The following PTPRM variants were observed in gnomAD, a reference collection of about 807,000 sequenced individuals.
The protein encoded by PTPRM is receptor-type tyrosine-protein phosphatase mu.
PTPRM carries 47 observed loss-of-function variants against 186.7 expected under a neutral mutation model. The observed-to-expected ratio is 0.25, with a 90% CI of 0.20 to 0.32. PTPRM has a LOEUF of 0.32. Ranked by LOEUF, PTPRM falls within the 10% of genes least tolerant of loss-of-function variation. The probability of loss-of-function intolerance (pLI) is 1.00; values close to 1 mark genes in which losing one functional copy is unlikely to be tolerated. For missense variants in PTPRM, 1,494 were observed against 1,865.0 expected (o/e 0.80, Z 3.66); for synonymous variants, 668 against 674.9 (o/e 0.99, Z 0.16).
chr18:8,292,506 C>G (rs1200186154), intron 19 of PTPRM, among the ~76,000 whole-genome samples: 1 of 152,178 alleles, frequency 6.6e-6, no homozygotes, highest in Non-Finnish European at 1.5e-5. Flanking sequence ...ACGGAAAATG[C>G]AAGACACCAT....
intron 2 of PTPRM, among the ~76,000 whole-genome samples, chr18:7,869,334 C>A (rs76296425): frequency 2.6e-5 from 4 of 152,092 alleles, no homozygotes; most frequent in Non-Finnish European, 4.4e-5. Flanking sequence ...GCACAGGCAC[C>A]GGGGGGAATC....
chr18:7,748,402 C>T (rs556381584), intron 1 of PTPRM, among the ~76,000 whole-genome samples: 1 of 152,216 alleles, frequency 6.6e-6, no homozygotes, highest in South Asian at 2.1e-4. Context: ...GGGAGTGCCC[C>T]CTTCTTCCTC....
chr18:8,402,894 T>C (rs1415666912), intron 32 of PTPRM: 1 of 152,230 alleles, frequency 6.6e-6, no homozygotes, highest in Non-Finnish European at 1.5e-5. Flanking sequence ...GAAAAAGTGG[T>C]CTATTTAAGG....
intron 11 of PTPRM, among the ~76,000 whole-genome samples, chr18:8,107,012 A>G (rs1046940833): frequency 1.1e-4 from 16 of 152,266 alleles, no homozygotes; most frequent in African/African-American, 3.4e-4. Flanking sequence ...CATTCAGACA[A>G]ACATACAGGA....
chr18:7,902,740 A>T (rs574873800), intron 3 of PTPRM, among the ~76,000 whole-genome samples: 1 of 152,270 alleles, frequency 6.6e-6, no homozygotes, highest in Non-Finnish European at 1.5e-5. Context: ...TTCTTAGCGT[A>T]AAACTTCTGA....
intron 1 of PTPRM, among the ~76,000 whole-genome samples, chr18:7,673,836 A>G (rs1018650413): frequency 6.6e-6 from 1 of 152,234 alleles, no homozygotes; most frequent in Non-Finnish European, 1.5e-5. Context: ...GACATTGGGA[A>G]CAACAGGACT....
At chr18:8,310,399 C>T (rs907440006) in intron 20 of PTPRM, among the ~76,000 whole-genome samples, 4 of 150,892 alleles carry the variant, frequency 2.7e-5, no homozygotes, top group African/African-American at 9.8e-5. Flanking sequence ...CTGGCCTTCC[C>T]TCCTCTCTGT....
chr18:8,224,302 G>A lies in PTPRM; in HGVS notation c.2301-19756G>A, dbSNP rs963370714. On this transcript the variant is annotated intron_variant, in intron 14 of 32. Transcript: ENST00000580170. ...AAATCTTGTGACTCTTCAATCACAA[G>A]AAAAGGGGAAAGACAGTCAATGAGG... Among the ~76,000 whole-genome samples, 3 of 152,130 alleles carry A rather than the reference G, an allele frequency of 2.0e-5. No individual in the cohort carries two copies. In the East Asian group the frequency reaches 5.8e-4, roughly 29 times the overall value.
chr18:7,649,929 G>A (rs1215203617), intron 1 of PTPRM, among the ~76,000 whole-genome samples: 1 of 151,598 alleles, frequency 6.6e-6, no homozygotes, highest in African/African-American at 2.4e-5. Context: ...TTAAATTAAG[G>A]TATGTACATT....
chr18:7,623,155 CT>C (rs1250143625), intron 1 of PTPRM, among the ~76,000 whole-genome samples: 3 of 151,944 alleles, frequency 2.0e-5, no homozygotes, highest in Non-Finnish European at 4.4e-5. Flanking sequence ...AAGGTAATTT[CT>C]TGTTGGGGTG....
chr18:7,754,198 A>G (rs1416420144), intron 1 of PTPRM, among the ~76,000 whole-genome samples: 2 of 152,058 alleles, frequency 1.3e-5, no homozygotes, highest in African/African-American at 4.8e-5. Context: ...TACTCTTTTC[A>G]TCATATACCT....
chr18:8,266,172 A>C (rs2094698253), intron 19 of PTPRM, among the ~76,000 whole-genome samples: 1 of 152,218 alleles, frequency 6.6e-6, no homozygotes, highest in Admixed American at 6.5e-5. Flanking sequence ...CTGCATTGAG[A>C]TGATAAGGTT....
rs545398146 is a variant in PTPRM at position 7,895,805 on chromosome 18, A to G, written c.468+7428A>G. On this transcript the variant is annotated intron_variant, in intron 3 of 32. Coordinates refer to ENST00000580170, the MANE Select transcript of PTPRM (RefSeq NM_001105244.2). ...AGTGTCCTGTGTACTTTTGATAACC[A>G]TAATAGGTCTTTTGGGGCATCTCTT... Among the ~76,000 whole-genome samples the G allele has an allele frequency of 3.3e-4, 51 of 152,352 alleles. 2 individuals are homozygous for G. The highest frequency in any genetic ancestry group is 3.4e-3 in the Middle Eastern group (1 of 294).
chr18:8,102,731 C>A (rs1303026491), intron 11 of PTPRM, among the ~76,000 whole-genome samples: 1 of 152,198 alleles, frequency 6.6e-6, no homozygotes, highest in Non-Finnish European at 1.5e-5. Flanking sequence ...AATATTAATA[C>A]TTTCACTTCC....
chr18:7,946,864 G>A (rs745806528), intron 5 of PTPRM: 10 of 451,458 alleles, frequency 2.2e-5, no homozygotes, highest in Admixed American at 2.1e-4. Context: ...CAGCACTCCT[G>A]TCTGCTTTCT....
chr18:7,822,914 C>T (rs748966119), intron 2 of PTPRM, among the ~76,000 whole-genome samples: 15 of 152,072 alleles, frequency 9.9e-5, no homozygotes, highest in Non-Finnish European at 1.3e-4. Flanking sequence ...GCTTGCTCTC[C>T]GGGGAACATT....
intron 11 of PTPRM, among the ~76,000 whole-genome samples, chr18:8,099,316 C>T (rs753299140): frequency 2.0e-5 from 3 of 152,166 alleles, no homozygotes; most frequent in African/African-American, 2.4e-5. Flanking sequence ...GGCTGGTGAC[C>T]GCTTGTCCTG....
chr18:7,579,037 C>T (rs1298644429), intron 1 of PTPRM, among the ~76,000 whole-genome samples: 3 of 152,038 alleles, frequency 2.0e-5, no homozygotes, highest in African/African-American at 7.3e-5. Flanking sequence ...AGTTGTGGTG[C>T]TGGGAGGTTG....
At chr18:8,091,792 T>C (rs899898729) in intron 11 of PTPRM, among the ~76,000 whole-genome samples, 1 of 152,030 alleles carries the variant, frequency 6.6e-6, no homozygotes, top group Non-Finnish European at 1.5e-5. Flanking sequence ...TTTAGACAAA[T>C]AAGAACTCTG....
Sources: allele counts gnomAD v4.1 joint callset (sites outside exome capture counted in the v4.1 genomes callset), GRCh38; gene constraint gnomAD v4.1.1; transcripts MANE v1.5; gene names NCBI Gene and HGNC (gene_info 2026-07-23, HGNC 2026-07-21).